The following KCNK18 variants were observed in gnomAD, a reference collection of about 807,000 sequenced individuals.
The protein encoded by KCNK18 is potassium two pore domain channel subfamily K member 18, also known as potassium channel subfamily K member 18.
In KCNK18, 8 loss-of-function variants were observed where a neutral mutation model predicts 11.8. The observed-to-expected ratio is 0.68, with a 90% CI of 0.40 to 1.22. The LOEUF (loss-of-function observed/expected upper bound fraction) is 1.22. Ranked by LOEUF, KCNK18 falls within the 50% of genes most tolerant of loss-of-function variation. The pLI is 0.01. For synonymous variants in KCNK18, 208 were observed against 185.8 expected (o/e 1.12, Z -0.97); for missense variants, 442 against 465.4 (o/e 0.95, Z 0.46).
At chr10:117,201,007 G>A in intron 1 of KCNK18, 152 bp from the exon 2 acceptor site, 1 of 873,144 alleles carries the variant, frequency 1.1e-6, no homozygotes, top group African/African-American at 1.7e-5. Flanking sequence ...ATATTTTAAA[G>A]GAGGACTCCG....
At chr10:117,206,450 G>A (rs971595527) in intron 2 of KCNK18, among the ~76,000 whole-genome samples, 1 of 152,154 alleles carries the variant, frequency 6.6e-6, no homozygotes, top group Non-Finnish European at 1.5e-5. Flanking sequence ...TCCTCATCTT[G>A]AGATCCTTAA....
In KCNK18 at chr10:117,197,713, T is replaced by C; in HGVS notation, c.223+2T>C. ...GAATCTTGAACTGCAGTGAAACAGG[T>C]AGGTGCCTCACCTGGACAGGGTGGG... On this transcript the variant is annotated splice_donor_variant, in intron 1 of 2. Transcript: ENST00000334549. LOFTEE classifies it high-confidence loss of function. 1.2e-6 allele frequency: 2 copies of C among 1,613,490 alleles called. No homozygotes were observed. Among genetic ancestry groups the C allele is most frequent in the Non-Finnish European group, 1.7e-6 (2 of 1,179,546 alleles).
At chr10:117,205,914 G>A (rs184630640) in intron 2 of KCNK18, among the ~76,000 whole-genome samples, 15 of 152,092 alleles carry the variant, frequency 9.9e-5, no homozygotes, top group African/African-American at 3.4e-4. Context: ...ACCAGGCATG[G>A]TGGTGGGTGC....
intron 1 of KCNK18, among the ~76,000 whole-genome samples, chr10:117,200,617 C>A (rs1855001422): frequency 6.6e-6 from 1 of 151,984 alleles, no homozygotes; most frequent in Admixed American, 6.6e-5. Context: ...ACCATCCTGG[C>A]CAATGAGGTG....
At chr10:117,207,904 A>G (rs1051963590) in intron 2 of KCNK18, among the ~76,000 whole-genome samples, 1 of 152,226 alleles carries the variant, frequency 6.6e-6, no homozygotes, top group Non-Finnish European at 1.5e-5. Context: ...AAACACAGGC[A>G]TTAAATACAA....
intron 2 of KCNK18, among the ~76,000 whole-genome samples, chr10:117,201,964 G>C (rs1220848765): frequency 6.6e-6 from 1 of 152,344 alleles, no homozygotes; most frequent in East Asian, 1.9e-4. Flanking sequence ...GCCAAACCAG[G>C]CCAGGCAGGA....
Position 117,207,276 on chromosome 10 carries a change from G to A in KCNK18, c.353-2221G>A, listed in dbSNP as rs150537731. Reference sequence around the variant, plus strand: ...ACTCCTGACCTCATATGATCTGTCCGCCTTGGCCCCTCAAATTGCTGGGAT... The same window carrying A: ...ACTCCTGACCTCATATGATCTGTCCACCTTGGCCCCTCAAATTGCTGGGAT... On this transcript the variant is annotated intron_variant, in intron 2 of 2. Transcript: ENST00000334549. Among the ~76,000 whole-genome samples, 439 of 152,208 alleles carry A rather than the reference G, an allele frequency of 2.9e-3. 3 individuals carry two copies. Among genetic ancestry groups the A allele is most frequent in the African/African-American group, 8.6e-3 (359 of 41,516 alleles).
chr10:117,200,883 C>A (rs1056777437), intron 1 of KCNK18, among the ~76,000 whole-genome samples: 1 of 152,066 alleles, frequency 6.6e-6, no homozygotes. Flanking sequence ...ACAGCAATGC[C>A]AGGGCTAAGC....
At chr10:117,200,982 A>G (rs1834559696) in intron 1 of KCNK18, among the ~76,000 whole-genome samples, 177 bp from the exon 2 acceptor site, 2 of 152,192 alleles carry the variant, frequency 1.3e-5, no homozygotes, top group African/African-American at 4.8e-5. Context: ...TGAAGGCAGG[A>G]CCCAGGCTGC....
chr10:117,204,319 G>A (rs1855051596), intron 2 of KCNK18, among the ~76,000 whole-genome samples: 1 of 151,782 alleles, frequency 6.6e-6, no homozygotes, highest in Non-Finnish European at 1.5e-5. Context: ...TGCATCTGAG[G>A]CAGGATTTCT....
At chr10:117,201,038 A>G in intron 1 of KCNK18, 121 bp from the exon 2 acceptor site, 2 of 1,208,522 alleles carry the variant, frequency 1.7e-6, no homozygotes, top group Non-Finnish European at 2.4e-6. Context: ...TTTGGTGTTG[A>G]TACTGACCAC....
rs923512173 is a variant in KCNK18 at position 117,201,024 on chromosome 10, G to A, written c.224-135G>A. ...ATTTTAAAGGAGGACTCCGACCACC[G>A]AGCTTTGGTGTTGATACTGACCACA... On this transcript the variant is annotated intron_variant, in intron 1 of 2. Transcript: ENST00000334549. 1.4e-5 allele frequency: 14 copies of A among 1,012,998 alleles called. No homozygotes were observed. The East Asian group carries it at 2.1e-4, about 16-fold the overall frequency. The allele number at this position is 1,012,998 out of a possible 1,614,324, so 62.8% of individuals were successfully genotyped here.
In KCNK18 at chr10:117,197,547, T is replaced by C; in HGVS notation, c.59T>C (p.Leu20Pro). ...TGCTGCCCAGAGGCCCTGGGAAAGC[T>C]CTTCCCTGGCCTCTGCTTCCTCTGC... ...RRCCPEALGK[L>P]FPGLCFLCFL... Residue 20 changes from leucine to proline, a missense_variant, in exon 1 of 3, where the codon CTC (leucine) becomes CCC (proline). Physicochemically the swap from Leu to Pro is moderately conservative, Grantham distance 98. Transcript: ENST00000334549. The C allele has an allele frequency of 1.2e-6, 2 of 1,614,190 alleles. No individual in the cohort carries two copies. Among genetic ancestry groups the C allele is most frequent in the East Asian group, 2.2e-5 (1 of 44,870 alleles).
At position 117,197,627 on chromosome 10, in the gene KCNK18, G is replaced by A. The variant is rs751470844; in HGVS notation, c.139G>A (p.Gly47Ser). ...GAVVFSAIED[G>S]QVLVAADDGE... is the part of the protein sequence containing the mutation. ...TGTGGTCTTCTCTGCCATTGAGGACGGCCAGGTCCTGGTGGCAGCAGATGA... is the reference window on the plus strand; with the variant it reads ...TGTGGTCTTCTCTGCCATTGAGGACAGCCAGGTCCTGGTGGCAGCAGATGA... The change falls in exon 1 of 3, where the codon GGC (glycine) becomes AGC (serine). Residue 47 changes from glycine to serine, a missense_variant. Coordinates refer to ENST00000334549, the MANE Select transcript of KCNK18 (RefSeq NM_181840.1). 1.5e-5 allele frequency: 25 copies of A among 1,613,998 alleles called. No individual in the cohort carries two copies. The East Asian group carries it at 1.6e-4, about 10-fold the overall frequency.
chr10:117,209,683 G>A lies in KCNK18; in HGVS notation c.539G>A (p.Trp180Ter). 1 of 1,613,688 alleles carries A rather than the reference G, an allele frequency of 6.2e-7. No individual in the cohort carries two copies. Among genetic ancestry groups the A allele is most frequent in the South Asian group, 1.1e-5 (1 of 91,048 alleles). Residue 180 changes from tryptophan to a stop codon, truncating the protein, a stop_gained, in exon 3 of 3, where the codon TGG (tryptophan) becomes TAG (stop). Coordinates refer to ENST00000334549, the MANE Select transcript of KCNK18 (RefSeq NM_181840.1). LOFTEE classifies it low-confidence loss of function (END_TRUNC). ...TTTACCCGCCCCCTCCTCTCCAAGT[G>A]GTGCCCCAAATCTCTCTTCAAGAAA... ...PFFTRPLLSK[W>*]CPKSLFKKKP... is the part of the protein sequence containing the mutation.
intron 2 of KCNK18, among the ~76,000 whole-genome samples, chr10:117,208,058 G>A (rs1855095825): frequency 6.6e-6 from 1 of 152,278 alleles, no homozygotes; most frequent in Non-Finnish European, 1.5e-5. Context: ...GGAGACCTCA[G>A]CGCATCCCTT....
At position 117,209,288 on chromosome 10, in the gene KCNK18, C is replaced by G. The variant is rs1461139536; in HGVS notation, c.353-209C>G. On this transcript the variant is annotated intron_variant, in intron 2 of 2. Coordinates refer to ENST00000334549, the MANE Select transcript of KCNK18 (RefSeq NM_181840.1). ...ACCTGGATATCAGTTGCTCCTTATC[C>G]TAAAGGGAAGCTGTTTCACTCCTTT... 4.6e-5 allele frequency among the ~76,000 whole-genome samples: 7 copies of G among 152,188 alleles called. No homozygotes were observed. The East Asian group carries it at 1.4e-3, about 29-fold the overall frequency.
intron 2 of KCNK18, among the ~76,000 whole-genome samples, chr10:117,202,184 C>T (rs363356): frequency 6.6e-6 from 1 of 152,228 alleles, no homozygotes; most frequent in African/African-American, 2.4e-5. Context: ...GCCCCTCATG[C>T]TGAAGGTCAG....
chr10:117,204,203 A>C (rs1266443272), intron 2 of KCNK18, among the ~76,000 whole-genome samples: 1 of 149,424 alleles, frequency 6.7e-6, no homozygotes, highest in South Asian at 2.1e-4. Flanking sequence ...TTGAGACTGC[A>C]GTGAGCCATG....
Sources: allele counts gnomAD v4.1 joint callset (sites outside exome capture counted in the v4.1 genomes callset), GRCh38; gene constraint gnomAD v4.1.1; transcripts MANE v1.5; gene names NCBI Gene and HGNC (gene_info 2026-07-23, HGNC 2026-07-21).